Variants in CSMD1 observed in about 807,000 individuals in gnomAD.
CSMD1 encodes CUB and sushi domain-containing protein 1.
A neutral mutation model predicts 417.5 loss-of-function variants in CSMD1; 213 were observed. The observed-to-expected ratio is 0.51, with a 90% CI of 0.46 to 0.57. CSMD1 has a LOEUF of 0.57. Ranked by LOEUF, CSMD1 falls within the 20% of genes least tolerant of loss-of-function variation. The probability of loss-of-function intolerance (pLI) is 0.00; values close to 1 mark genes in which losing one functional copy is unlikely to be tolerated. For missense variants in CSMD1, 6,923 were observed against 4,529.7 expected (o/e 1.53, Z -15.17); for synonymous variants, 2,862 against 1,736.8 (o/e 1.65, Z -16.11).
chr8:2,950,245 C>T lies in CSMD1; in HGVS notation c.10300G>A (p.Gly3434Arg), dbSNP rs1407187951. 2.5e-6 allele frequency: 4 copies of T among 1,606,882 alleles called. No individual in the cohort carries two copies. The highest frequency in any genetic ancestry group is 3.4e-6 in the Non-Finnish European group (4 of 1,173,554). ...FVSKFENDNW[G>R]LDGYVSSGLE... ...CATGTACTTACATAACCATCTAGTC[C>T]CCAGTTGTCATTTTCGAACTTGCTT... Residue 3434 changes from glycine (G) to arginine (R), a missense_variant, in exon 67 of 70, where the codon GGA becomes AGA. Physicochemically the swap from Gly to Arg is moderately radical, Grantham distance 125 (BLOSUM62 -2). Transcript: ENST00000635120.
intron 1 of CSMD1, among the ~76,000 whole-genome samples, chr8:4,802,773 G>A (rs1042642106): frequency 2.6e-5 from 4 of 152,074 alleles, no homozygotes; most frequent in South Asian, 2.1e-4. Context: ...ACTCATTCTC[G>A]CTTCCTGACA....
intron 5 of CSMD1, among the ~76,000 whole-genome samples, chr8:3,986,741 T>C (rs1814348680): frequency 6.6e-6 from 1 of 150,558 alleles, no homozygotes; most frequent in East Asian, 2.0e-4. Context: ...AAAGGCCTGC[T>C]TTTACAATGT....
intron 1 of CSMD1, among the ~76,000 whole-genome samples, chr8:4,801,484 T>C (rs768553236): frequency 3.9e-5 from 6 of 152,012 alleles, no homozygotes; most frequent in African/African-American, 1.2e-4. Flanking sequence ...TTTCTTCAAA[T>C]TGAGGGGCGC....
chr8:4,357,977 A>C (rs2128905670), intron 3 of CSMD1, among the ~76,000 whole-genome samples: 1 of 152,250 alleles, frequency 6.6e-6, no homozygotes, highest in Middle Eastern at 3.4e-3. Context: ...ACTCAGTTTA[A>C]GATGTATAAT....
At chr8:4,605,761 T>C (rs1800834261) in intron 2 of CSMD1, among the ~76,000 whole-genome samples, 2 of 152,334 alleles carry the variant, frequency 1.3e-5, no homozygotes, top group South Asian at 4.1e-4. Context: ...GGAATCAATT[T>C]ACGCTGCCAT....
intron 7 of CSMD1, among the ~76,000 whole-genome samples, chr8:3,672,549 G>C (rs1348610569): frequency 4.6e-5 from 7 of 152,180 alleles, no homozygotes; most frequent in Admixed American, 6.5e-5. Flanking sequence ...TTAAAACAGA[G>C]GTAATAATGG....
chr8:3,942,794 G>C (rs1471279707), intron 5 of CSMD1, among the ~76,000 whole-genome samples: 1 of 152,092 alleles, frequency 6.6e-6, no homozygotes, highest in African/African-American at 2.4e-5. Flanking sequence ...ACTGGGATAA[G>C]AAAAATATTT....
chr8:3,671,871 A>G (rs556469840), intron 7 of CSMD1, among the ~76,000 whole-genome samples: 50 of 151,956 alleles, frequency 3.3e-4, no homozygotes, highest in African/African-American at 1.2e-3. Flanking sequence ...CACCTCTATC[A>G]CTGGGAGATG....
chr8:4,344,028 T>C (rs1406817871), intron 3 of CSMD1, among the ~76,000 whole-genome samples: 3 of 152,180 alleles, frequency 2.0e-5, no homozygotes, highest in Non-Finnish European at 4.4e-5. Context: ...AAATTGTGAA[T>C]GTATACAAAT....
chr8:4,898,128 C>T (rs1183578331), intron 1 of CSMD1, among the ~76,000 whole-genome samples: 1 of 151,946 alleles, frequency 6.6e-6, no homozygotes, highest in Non-Finnish European at 1.5e-5. Context: ...AAATATTGCC[C>T]ATATATATGT....
intron 4 of CSMD1, among the ~76,000 whole-genome samples, chr8:4,004,906 A>G (rs202206857): frequency 0.1 from 15,531 of 151,654 alleles, 939 homozygotes; most frequent in East Asian, 0.2. Flanking sequence ...CACCATGCCC[A>G]GCTAATTTTT....
At chr8:3,460,935 G>C (rs150781201) in intron 12 of CSMD1, among the ~76,000 whole-genome samples, 145 of 152,274 alleles carry the variant, frequency 9.5e-4, no homozygotes, top group African/African-American at 3.1e-3. Flanking sequence ...AGAAGGGCTA[G>C]TTTTGTTTCA....
At chr8:3,330,455 T>C (rs11777202) in intron 23 of CSMD1, among the ~76,000 whole-genome samples, 26,316 of 152,150 alleles carry the variant, frequency 0.17, 2,946 homozygotes, top group East Asian at 0.35. Context: ...AGAACATGGA[T>C]GGAGCTGGAG....
chr8:4,030,330 T>C (rs1201143772), intron 4 of CSMD1, among the ~76,000 whole-genome samples: 1 of 152,232 alleles, frequency 6.6e-6, no homozygotes, highest in African/African-American at 2.4e-5. Context: ...CATCTAGGAA[T>C]TTCTATACTT....
intron 5 of CSMD1, among the ~76,000 whole-genome samples, chr8:3,954,808 C>T (rs1209693521): frequency 6.6e-6 from 1 of 152,110 alleles, no homozygotes; most frequent in Admixed American, 6.6e-5. Flanking sequence ...CCTCCTTGCC[C>T]CTCGGAAGCG....
intron 2 of CSMD1, among the ~76,000 whole-genome samples, chr8:4,467,978 G>C (rs1187216741): frequency 6.6e-6 from 1 of 152,154 alleles, no homozygotes; most frequent in African/African-American, 2.4e-5. Flanking sequence ...GCTTGACTAA[G>C]GACCCTGTCC....
In CSMD1 at chr8:3,294,628, G is replaced by C. The variant is rs1198860301; in HGVS notation, c.3951-10282C>G. Among the ~76,000 whole-genome samples, 3 of 152,198 alleles carry C rather than the reference G, an allele frequency of 2.0e-5. No individual in the cohort carries two copies. In the East Asian group the frequency reaches 5.8e-4, roughly 29 times the overall value. ...GTAGGACCCTCTGAGTCATGCACGG[G>C]ATATAATCTCCTGGTGTGCCGTTTG... On this transcript the variant is annotated intron_variant, in intron 25 of 69. Coordinates refer to ENST00000635120, the MANE Select transcript of CSMD1 (RefSeq NM_033225.6).
intron 3 of CSMD1, among the ~76,000 whole-genome samples, chr8:4,143,962 T>C (rs560289431): frequency 9.2e-5 from 14 of 151,442 alleles, no homozygotes; most frequent in East Asian, 5.8e-4. Flanking sequence ...GCTTGGCCCA[T>C]AGCCAATCCA....
chr8:3,973,006 T>G (rs953245142), intron 5 of CSMD1, among the ~76,000 whole-genome samples: 4 of 152,258 alleles, frequency 2.6e-5, no homozygotes, highest in African/African-American at 9.6e-5. Flanking sequence ...AATTTTACAT[T>G]TATTTTTCTC....
Sources: gnomAD v4.1 joint callset for allele counts (sites outside exome capture counted in the v4.1 genomes callset) on GRCh38, gnomAD v4.1.1 for gene constraint, MANE v1.5 for transcripts, NCBI Gene and HGNC (gene_info 2026-07-23, HGNC 2026-07-21) for gene names.